Variants in RIT2 observed in about 807,000 individuals in gnomAD.
RIT2 encodes GTP-binding protein Rit2.
A neutral mutation model predicts 23.7 loss-of-function variants in RIT2; 24 were observed. The observed-to-expected ratio is 1.01, with a 90% CI of 0.73 to 1.43. The LOEUF (loss-of-function observed/expected upper bound fraction) is 1.43, where lower values mean the gene tolerates loss of function less well. Among genes scored for constraint, RIT2 ranks in the 40% most tolerant of loss-of-function variants. RIT2 has a pLI of 0.00. For missense variants in RIT2, 236 were observed against 266.9 expected, an observed-to-expected ratio of 0.88 and a Z score of 0.81; for synonymous variants, 107 against 91.1, an observed-to-expected ratio of 1.17 and a Z score of -0.99.
intron 1 of RIT2, among the ~76,000 whole-genome samples, chr18:43,049,670 G>A (rs987895902): frequency 6.6e-6 from 1 of 152,136 alleles, no homozygotes; most frequent in African/African-American, 2.4e-5. Flanking sequence ...GAGAAGGCAG[G>A]ACATCCTGAA....
intron 4 of RIT2, among the ~76,000 whole-genome samples, chr18:42,787,617 T>C (rs1189874017): frequency 6.6e-6 from 1 of 152,176 alleles, no homozygotes; most frequent in African/African-American, 2.4e-5. Context: ...AGTTCTTTGA[T>C]ACCATGAACT....
At chr18:43,112,532 T>A (rs867921473) in intron 1 of RIT2, among the ~76,000 whole-genome samples, 22 of 152,330 alleles carry the variant, frequency 1.4e-4, no homozygotes, top group Middle Eastern at 6.8e-3. Context: ...TTAAATCTTG[T>A]GGGAATTCCT....
At chr18:43,075,388 A>T (rs1399195221) in intron 1 of RIT2, among the ~76,000 whole-genome samples, 1 of 152,072 alleles carries the variant, frequency 6.6e-6, no homozygotes, top group Non-Finnish European at 1.5e-5. Flanking sequence ...GTTTGTAGGC[A>T]TTTTCTTTTC....
chr18:42,826,437 A>C (rs1906299721), intron 4 of RIT2, among the ~76,000 whole-genome samples: 2 of 152,094 alleles, frequency 1.3e-5, no homozygotes, highest in African/African-American at 4.8e-5. Flanking sequence ...AGATGCAAAA[A>C]AACATTTCAT....
chr18:42,843,175 G>A (rs747244808), intron 4 of RIT2, among the ~76,000 whole-genome samples: 3 of 152,196 alleles, frequency 2.0e-5, no homozygotes, highest in Non-Finnish European at 4.4e-5. Flanking sequence ...AATGTGATGA[G>A]TGCTATAGTT....
At chr18:42,804,561 T>TAAAAAA (rs564202513) in intron 4 of RIT2, among the ~76,000 whole-genome samples, 9 of 52,832 alleles carry the variant, frequency 1.7e-4, no homozygotes, top group Non-Finnish European at 3.0e-4. Context: ...GCCTCAAAAC[T>TAAAAAA]AAAAAAAAAA....
intron 4 of RIT2, among the ~76,000 whole-genome samples, chr18:42,808,559 G>A (rs1292043399): frequency 5.4e-5 from 8 of 149,372 alleles, no homozygotes; most frequent in African/African-American, 2.0e-4. Context: ...GAATTAATAA[G>A]TTGGCAAAAA....
At chr18:42,845,343 A>C (rs73470099) in intron 4 of RIT2, among the ~76,000 whole-genome samples, 3,553 of 151,832 alleles carry the variant, frequency 0.023, 137 homozygotes, top group African/African-American at 0.079. Context: ...CCAAATGAAG[A>C]CAGTCCAAAT....
At chr18:42,759,443 T>A (rs933534977) in intron 4 of RIT2, among the ~76,000 whole-genome samples, 1 of 152,124 alleles carries the variant, frequency 6.6e-6, no homozygotes, top group Non-Finnish European at 1.5e-5. Flanking sequence ...ATATTGGAAT[T>A]GGCATTAAAA....
At chr18:43,005,025 T>C (rs1051565847) in intron 2 of RIT2, among the ~76,000 whole-genome samples, 1 of 151,794 alleles carries the variant, frequency 6.6e-6, no homozygotes, top group Non-Finnish European at 1.5e-5. Flanking sequence ...TTCCTAGCTA[T>C]GGGCCCTTTA....
At chr18:42,930,833 G>A (rs1909307858) in intron 3 of RIT2, among the ~76,000 whole-genome samples, 2 of 152,060 alleles carry the variant, frequency 1.3e-5, no homozygotes, top group Admixed American at 1.3e-4. Context: ...TGGAAATAGG[G>A]TACAAATCAA....
intron 1 of RIT2, among the ~76,000 whole-genome samples, chr18:43,062,952 T>C (rs1181114356): frequency 6.6e-6 from 1 of 151,982 alleles, no homozygotes; most frequent in Non-Finnish European, 1.5e-5. Context: ...ATTAGAAAAT[T>C]TTGGGTTTTT....
intron 4 of RIT2, among the ~76,000 whole-genome samples, chr18:42,801,782 G>A (rs1905546230): frequency 6.6e-6 from 1 of 152,082 alleles, no homozygotes; most frequent in South Asian, 2.1e-4. Flanking sequence ...AGTTACAGAG[G>A]GAATATGATG....
At chr18:42,808,362 C>CA (rs1905743420) in intron 4 of RIT2, among the ~76,000 whole-genome samples, 1 of 151,962 alleles carries the variant, frequency 6.6e-6, no homozygotes, top group Non-Finnish European at 1.5e-5. Flanking sequence ...TGCACTCATG[C>CA]AAAAAATACA....
chr18:42,880,650 C>A (rs78605187), intron 4 of RIT2, among the ~76,000 whole-genome samples: 18 of 151,926 alleles, frequency 1.2e-4, no homozygotes, highest in African/African-American at 4.1e-4. Flanking sequence ...CTCGTTTATC[C>A]CTTCTCTATA....
chr18:42,910,579 A>T (rs1056302247), intron 4 of RIT2, among the ~76,000 whole-genome samples: 3 of 152,078 alleles, frequency 2.0e-5, no homozygotes, highest in East Asian at 1.9e-4. Flanking sequence ...GAGCAGAGGA[A>T]CAGAAGAGTG....
chr18:43,012,533 G>T (rs1238109615), intron 2 of RIT2, among the ~76,000 whole-genome samples: 1 of 151,318 alleles, frequency 6.6e-6, no homozygotes, highest in Admixed American at 6.6e-5. Flanking sequence ...AAATAGAAAG[G>T]GTAGTATCTG....
chr18:43,044,227 A>C (rs1912195313), intron 1 of RIT2, among the ~76,000 whole-genome samples: 2 of 152,188 alleles, frequency 1.3e-5, no homozygotes, highest in Non-Finnish European at 2.9e-5. Context: ...TCTGTACTGA[A>C]AGAATGTTGA....
chr18:42,974,660 A>G (rs1910439298), intron 2 of RIT2, among the ~76,000 whole-genome samples: 2 of 152,098 alleles, frequency 1.3e-5, no homozygotes, highest in Non-Finnish European at 2.9e-5. Context: ...ATGATCTTAT[A>G]TGTAGAACCC....
Sources: allele counts gnomAD v4.1 joint callset (sites outside exome capture counted in the v4.1 genomes callset), GRCh38; gene constraint gnomAD v4.1.1; transcripts MANE v1.5; gene names NCBI Gene and HGNC (gene_info 2026-07-23, HGNC 2026-07-21).